ATP2C1: variants seen among roughly 807,000 people sequenced by gnomAD.
ATP2C1 encodes ATPase secretory pathway Ca2+ transporting 1, also known as calcium-transporting ATPase type 2C member 1.
In ATP2C1, 31 loss-of-function variants were observed where a neutral mutation model predicts 120.5. The ratio of observed to expected loss-of-function variants is 0.26; its 90% CI spans 0.19 to 0.35. The LOEUF (loss-of-function observed/expected upper bound fraction) is 0.35. Ranked by LOEUF, ATP2C1 falls within the 10% of genes least tolerant of loss-of-function variation. The pLI is 1.00. For synonymous variants in ATP2C1, 351 were observed against 358.7 expected (o/e 0.98, Z 0.24); for missense variants, 731 against 1,107.5 (o/e 0.66, Z 4.83).
upstream of ATP2C1, among the ~76,000 whole-genome samples, chr3:130,893,453 T>C (rs2069266872): frequency 1.3e-5 from 2 of 152,320 alleles, no homozygotes; most frequent in Admixed American, 1.3e-4. Context: ...GCCCCGCGAT[T>C]ACCGGCTCCC....
In ATP2C1 at chr3:130,967,259, A is replaced by G; in HGVS notation, c.1218+19A>G. ...TGTTGAGGTAAATATTTTTTTTTCC[A>G]AGATGGTGACTTTCTTCATAATAAC... On this transcript the variant is annotated intron_variant, in intron 15 of 27. Coordinates refer to ENST00000510168, the MANE Select transcript of ATP2C1 (RefSeq NM_001378687.1). 6.2e-7 allele frequency: 1 copy of G among 1,612,522 alleles called. No homozygotes were observed. Among genetic ancestry groups the G allele is most frequent in the South Asian group, 1.1e-5 (1 of 91,052 alleles).
At chr3:130,954,081 G>C in intron 9 of ATP2C1, 105 bp downstream of exon 9, 1 of 1,233,566 alleles carries the variant, frequency 8.1e-7, no homozygotes, top group Middle Eastern at 2.0e-4. Flanking sequence ...ACATGACAAA[G>C]GATAAAATTG....
At chr3:130,900,571 CTT>C (rs556293893) in intron 2 of ATP2C1, among the ~76,000 whole-genome samples, 1 of 151,420 alleles carries the variant, frequency 6.6e-6, no homozygotes, top group South Asian at 2.1e-4. Flanking sequence ...ACTCATCAGA[CTT>C]TTTTTTTGAA....
intron 2 of ATP2C1, among the ~76,000 whole-genome samples, chr3:130,916,658 T>G (rs966924154): frequency 1.3e-5 from 2 of 152,300 alleles, no homozygotes; most frequent in African/African-American, 4.8e-5. Flanking sequence ...GTTCCCTGAT[T>G]AATGAAGTGG....
At chr3:131,013,007 A>G (rs911044327) in intron 26 of ATP2C1, among the ~76,000 whole-genome samples, 11 of 152,234 alleles carry the variant, frequency 7.2e-5, no homozygotes, top group Non-Finnish European at 1.6e-4. Flanking sequence ...GCTATTCCTG[A>G]TGGAATATAC....
At chr3:130,990,655 G>T (rs1329796867) in intron 20 of ATP2C1, among the ~76,000 whole-genome samples, 2 of 152,152 alleles carry the variant, frequency 1.3e-5, no homozygotes, top group South Asian at 2.1e-4. Context: ...TGCCACTCTG[G>T]CTACTGTGTT....
intron 11 of ATP2C1, among the ~76,000 whole-genome samples, chr3:130,957,044 C>G (rs1323798579): frequency 6.6e-6 from 1 of 152,068 alleles, no homozygotes; most frequent in Non-Finnish European, 1.5e-5. Context: ...CCATTTATGC[C>G]TAGTGTTCCA....
At chr3:130,939,911 A>G (rs139773907) in intron 6 of ATP2C1, among the ~76,000 whole-genome samples, 4 of 152,294 alleles carry the variant, frequency 2.6e-5, no homozygotes, top group African/African-American at 9.6e-5. Context: ...AGATTAGAAG[A>G]TTCTTTTGCT....
At chr3:130,875,404 C>A (rs1047550233) in intron 1 of ATP2C1, among the ~76,000 whole-genome samples, 1 of 152,182 alleles carries the variant, frequency 6.6e-6, no homozygotes, top group African/African-American at 2.4e-5. Context: ...TTATTTATTT[C>A]ACTTAACATA....
chr3:131,012,920 TAAAGA>T (rs1353184853), intron 26 of ATP2C1, among the ~76,000 whole-genome samples: 1 of 152,164 alleles, frequency 6.6e-6, no homozygotes, highest in African/African-American at 2.4e-5. Flanking sequence ...TCTAGTAAAG[TAAAGA>T]AAATTGTTTA....
rs558013739 is a variant in ATP2C1 at position 130,929,170 on chromosome 3, A to C, written c.7-1246A>C. Among the ~76,000 whole-genome samples the C allele has an allele frequency of 2.6e-5, 4 of 152,312 alleles. No homozygotes were observed. In the South Asian group the frequency reaches 8.3e-4, roughly 32 times the overall value. ...AGTTTCCTCATATTTATTCACCGAT[A>C]TCTCCTCATTAAAAGTTGAAAAATA... On this transcript the variant is annotated intron_variant, in intron 2 of 27. Coordinates refer to ENST00000510168, the MANE Select transcript of ATP2C1 (RefSeq NM_001378687.1).
chr3:131,011,601 A>G (rs1436825814), intron 26 of ATP2C1, among the ~76,000 whole-genome samples: 1 of 152,206 alleles, frequency 6.6e-6, no homozygotes, highest in Non-Finnish European at 1.5e-5. Flanking sequence ...TAAAATTCCT[A>G]TTCTTTAAAG....
intron 2 of ATP2C1, among the ~76,000 whole-genome samples, chr3:130,908,217 A>G (rs2108075612): frequency 6.6e-6 from 1 of 152,208 alleles, no homozygotes; most frequent in Non-Finnish European, 1.5e-5. Context: ...TCAGAAATGT[A>G]TTCTGTACCT....
chr3:131,007,070 G>A (rs1221218250), downstream of ATP2C1, among the ~76,000 whole-genome samples: 1 of 151,646 alleles, frequency 6.6e-6, no homozygotes, highest in East Asian at 1.9e-4. Context: ...GAAAACACTT[G>A]TTGATAAATC....
Position 130,955,367 on chromosome 3 carries a change from G to A in ATP2C1, c.756+287G>A, listed in dbSNP as rs532235504. Among the ~76,000 whole-genome samples, 4 of 152,198 alleles carry A rather than the reference G, an allele frequency of 2.6e-5. No homozygotes were observed. The South Asian group carries it at 8.3e-4, about 32-fold the overall frequency. ...ATTATTTTCAGAAATTAGTGTTGTG[G>A]TAATTTTAAGGATTAGTAATTAGTA... is the stretch of plus-strand genomic sequence containing the variant. On this transcript the variant is annotated intron_variant, in intron 10 of 27. Coordinates refer to ENST00000510168, the MANE Select transcript of ATP2C1 (RefSeq NM_001378687.1).
chr3:131,014,134 A>C, intron 26 of ATP2C1: 2 of 1,613,020 alleles, frequency 1.2e-6, no homozygotes, highest in Non-Finnish European at 1.7e-6. Context: ...TTTCCCTCAT[A>C]CCAACACTTG....
chr3:130,899,713 T>A (rs2069976357), intron 2 of ATP2C1: 1 of 152,184 alleles, frequency 6.6e-6, no homozygotes, highest in Non-Finnish European at 1.5e-5. Context: ...AGACTAAACC[T>A]GTGATGTGTT....
At chr3:130,977,110 A>C (rs992330271) in intron 18 of ATP2C1, among the ~76,000 whole-genome samples, 3 of 152,084 alleles carry the variant, frequency 2.0e-5, no homozygotes, top group Non-Finnish European at 4.4e-5. Context: ...CAGAGACTTA[A>C]GGGGCACTGC....
chr3:130,959,268 C>A lies in ATP2C1; in HGVS notation c.833-7C>A. 1 of 1,595,490 alleles carries A rather than the reference C, an allele frequency of 6.3e-7. No individual in the cohort carries two copies. Among genetic ancestry groups the A allele is most frequent in the Non-Finnish European group, 8.6e-7 (1 of 1,163,870 alleles). The stretch of plus-strand genomic sequence containing the variant: ...AAGGGAAAAATAACTATTTAATTAT[C>A]TTTCAGGAATCATCATGTTGGTTGG... On this transcript the variant is annotated splice_polypyrimidine_tract_variant and splice_region_variant and intron_variant, in intron 11 of 27. Transcript: ENST00000510168.
Sources: gnomAD v4.1 joint callset for allele counts (sites outside exome capture counted in the v4.1 genomes callset) on GRCh38, gnomAD v4.1.1 for gene constraint, MANE v1.5 for transcripts, NCBI Gene and HGNC (gene_info 2026-07-23, HGNC 2026-07-21) for gene names.